Variants in DENND4A observed in about 807,000 individuals in gnomAD.
DENND4A encodes DENN domain containing 4A.
DENND4A carries 70 observed loss-of-function variants against 199.3 expected under a neutral mutation model. The observed-to-expected ratio is 0.35, with a 90% CI of 0.29 to 0.43. The LOEUF is 0.43. Ranked by LOEUF, DENND4A falls within the 20% of genes least tolerant of loss-of-function variation. DENND4A has a pLI of 1.00. For synonymous variants in DENND4A, 686 were observed against 766.9 expected (o/e 0.89, Z 1.74); for missense variants, 1,723 against 2,255.8 (o/e 0.76, Z 4.78).
At chr15:65,675,835 AG>A (rs2076357134) in intron 24 of DENND4A, among the ~76,000 whole-genome samples, 1 of 152,198 alleles carries the variant, frequency 6.6e-6, no homozygotes, top group Non-Finnish European at 1.5e-5. Flanking sequence ...TAGCACTTCA[AG>A]GAAGAATTCT....
intron 15 of DENND4A, among the ~76,000 whole-genome samples, chr15:65,704,139 T>C (rs931003763): frequency 1.3e-5 from 2 of 152,198 alleles, no homozygotes; most frequent in African/African-American, 4.8e-5. Context: ...ATTCATTGTA[T>C]GTATATGATG....
At chr15:65,777,526 T>C (rs569285857) in intron 1 of DENND4A, among the ~76,000 whole-genome samples, 28 of 152,090 alleles carry the variant, frequency 1.8e-4, no homozygotes, top group African/African-American at 6.7e-4. Flanking sequence ...CTAATTTTTG[T>C]ATTTTTAGTA....
intron 1 of DENND4A, among the ~76,000 whole-genome samples, chr15:65,764,591 A>G (rs981832050): frequency 1.2e-4 from 19 of 152,140 alleles, no homozygotes; most frequent in African/African-American, 4.1e-4. Flanking sequence ...AGATCGTGCC[A>G]CTGCACTCCA....
intron 22 of DENND4A, among the ~76,000 whole-genome samples, chr15:65,693,380 G>A (rs1156481266): frequency 2.0e-5 from 3 of 152,114 alleles, no homozygotes; most frequent in Admixed American, 1.3e-4. Context: ...AAGAACTGAT[G>A]GCAAAGCCCC....
chr15:65,691,498 C>T lies in DENND4A; in HGVS notation c.3096G>A (p.Glu1032=), dbSNP rs1372215926. Residue 1032 remains glutamate, a synonymous_variant, in exon 23 of 33, where the codon GAG becomes GAA. Transcript: ENST00000443035. ...CTTCAAGAGATGATATTAAGAGCAG[C>T]TCAGGTGTGCTTTCTGAAAAACAAG... ...ISGESMESTP[E]LLLISSLEDT... 1 of 1,591,022 alleles carries T rather than the reference C, an allele frequency of 6.3e-7. No individual in the cohort carries two copies. Among genetic ancestry groups the T allele is most frequent in the African/African-American group, 1.4e-5 (1 of 73,952 alleles).
intron 11 of DENND4A, chr15:65,727,792 A>AT (rs2075846990): frequency 5.2e-6 from 2 of 385,944 alleles, no homozygotes; most frequent in African/African-American, 4.3e-5. Context: ...GTATGATTAA[A>AT]TTTAAAATAA....
rs572980289 is a variant in DENND4A at position 65,740,682 on chromosome 15, C to T, written c.631+1033G>A. ...TTGTAGATCTAAAAATATCAAAGGC[C>T]GGGTATGGTGGCCCTCACCTGTAAT... On this transcript the variant is annotated intron_variant, in intron 5 of 32. Coordinates refer to ENST00000443035, the MANE Select transcript of DENND4A (RefSeq NM_001320835.1). Among the ~76,000 whole-genome samples the T allele has an allele frequency of 1.5e-4, 23 of 151,594 alleles. No individual in the cohort carries two copies. The South Asian group carries it at 2.5e-3, about 17-fold the overall frequency.
At chr15:65,676,141 A>AAAAAATATATATATATATATATATATAT (rs1362535499) in intron 24 of DENND4A, among the ~76,000 whole-genome samples, 2 of 110,450 alleles carry the variant, frequency 1.8e-5, no homozygotes, top group Non-Finnish European at 3.9e-5. Flanking sequence ...AATAAGGAAA[A>AAAAAATATATATATATATATATATATAT]ATATATATAT....
intron 11 of DENND4A, among the ~76,000 whole-genome samples, chr15:65,726,870 T>C (rs8042828): frequency 0.57 from 85,550 of 151,268 alleles, 26,657 homozygotes; most frequent in African/African-American, 0.84. Flanking sequence ...GCAGGAGAAT[T>C]GCTTGAACCT....
intron 23 of DENND4A, among the ~76,000 whole-genome samples, chr15:65,677,096 T>C (rs76956109): frequency 7.9e-4 from 121 of 152,318 alleles, no homozygotes; most frequent in African/African-American, 2.8e-3. Context: ...TAGCTGTAGA[T>C]TTTTACACGA....
chr15:65,685,449 C>A (rs1238877200), intron 23 of DENND4A, among the ~76,000 whole-genome samples: 1 of 152,184 alleles, frequency 6.6e-6, no homozygotes. Context: ...TTAGCTCTTA[C>A]ATTTAGACAT....
rs1484013132 is a variant in DENND4A at position 65,662,088 on chromosome 15, C to G, written c.5588-101G>C. 3 of 979,304 alleles carry G rather than the reference C, an allele frequency of 3.1e-6. No individual in the cohort carries two copies. The African/African-American group carries it at 4.9e-5, about 16-fold the overall frequency. The allele number at this position is 979,304 out of a possible 1,614,324, so 60.7% of individuals were successfully genotyped here. ...ACTACAGAAACACAACATTAGAGGC[C>G]AAGAAGGAATTGCTAGGACATTTCT... On this transcript the variant is annotated intron_variant, in intron 32 of 32. Transcript: ENST00000443035.
In DENND4A at chr15:65,756,478, A is replaced by T; in HGVS notation, c.-22-6T>A. The T allele has an allele frequency of 6.4e-7, 1 of 1,563,542 alleles. No individual in the cohort carries two copies. The highest frequency in any genetic ancestry group is 1.2e-5 in the South Asian group (1 of 81,306). The stretch of plus-strand genomic sequence containing the variant: ...TCCATTACAGAAGGTTACATCTAAA[A>T]GGAAAGTAAAAGACTAGTACTCCCC... On this transcript the variant is annotated splice_region_variant and splice_polypyrimidine_tract_variant and intron_variant, in intron 2 of 32. Transcript: ENST00000443035.
In DENND4A at chr15:65,722,865, T is replaced by C. The variant is rs761399261; in HGVS notation, c.1571A>G (p.His524Arg). 2 of 1,604,340 alleles carry C rather than the reference T, an allele frequency of 1.2e-6. No individual in the cohort carries two copies. The highest frequency in any genetic ancestry group is 1.7e-6 in the Non-Finnish European group (2 of 1,176,084). ...CCACTTACATTTTGCCAATTGCTGA[T>C]GCAAATTATTCAGTGTGTTCATCAG... is the stretch of plus-strand genomic sequence containing the variant. ...KNLMNTLNNL[H>R]QQLAKLQQRP... The change falls in exon 12 of 33, where the codon CAT (histidine) becomes CGT (arginine). Residue 524 changes from histidine to arginine, a missense_variant. Physicochemically the swap from His to Arg is conservative, Grantham distance 29. Around this residue, in one of 6 missense-constraint regions of DENND4A, gnomAD observed 725 missense variants for 952.9 expected, o/e 0.76. Coordinates refer to ENST00000443035, the MANE Select transcript of DENND4A (RefSeq NM_001320835.1).
At chr15:65,678,073 G>A (rs1055888324) in intron 23 of DENND4A, among the ~76,000 whole-genome samples, 2 of 151,542 alleles carry the variant, frequency 1.3e-5, no homozygotes, top group African/African-American at 4.8e-5. Context: ...GATTACAGGC[G>A]CCCGCCACCA....
At chr15:65,731,454 A>G (rs1248507790) in intron 9 of DENND4A, 188 bp downstream of exon 9, 1 of 618,804 alleles carries the variant, frequency 1.6e-6, no homozygotes, top group East Asian at 3.4e-5. Context: ...AATACAAAAC[A>G]CTATTAGAAA....
intron 4 of DENND4A, among the ~76,000 whole-genome samples, chr15:65,743,745 T>C (rs567825514): frequency 1.3e-5 from 2 of 152,274 alleles, no homozygotes; most frequent in South Asian, 2.1e-4. Flanking sequence ...GGAGCAGAGG[T>C]TTCTAGGTAG....
chr15:65,769,696 CTTTT>C (rs551498351), intron 1 of DENND4A, among the ~76,000 whole-genome samples: 63 of 151,830 alleles, frequency 4.1e-4, no homozygotes, highest in African/African-American at 1.5e-3. Flanking sequence ...ATTTTCTTTT[CTTTT>C]TTTTCATTTT....
At chr15:65,759,498 T>C (rs746235326) in intron 2 of DENND4A, among the ~76,000 whole-genome samples, 2 of 151,480 alleles carry the variant, frequency 1.3e-5, no homozygotes, top group Non-Finnish European at 3.0e-5. Flanking sequence ...GGAAAAAAAA[T>C]GGGACTAAAG....
Sources: gnomAD v4.1 joint callset for allele counts (sites outside exome capture counted in the v4.1 genomes callset) on GRCh38, gnomAD v4.1.1 for gene constraint, gnomAD v4.1.1 regional missense constraint, MANE v1.5 for transcripts, NCBI Gene and HGNC (gene_info 2026-07-23, HGNC 2026-07-21) for gene names.